CACNA1A: variants seen among roughly 807,000 people sequenced by gnomAD.
CACNA1A encodes voltage-dependent P/Q-type calcium channel subunit alpha-1A.
A neutral mutation model predicts 262.4 loss-of-function variants in CACNA1A; 57 were observed. That is an observed-to-expected ratio of 0.22 (90% CI 0.18 to 0.27). The LOEUF (loss-of-function observed/expected upper bound fraction) is 0.27, where lower values mean the gene tolerates loss of function less well. CACNA1A is among the 10% of genes least tolerant of loss of function. The pLI is 1.00. For synonymous variants in CACNA1A, 1,431 were observed against 1,419.3 expected, an observed-to-expected ratio of 1.01 and a Z score of -0.18; for missense variants, 2,526 against 3,562.8, an observed-to-expected ratio of 0.71 and a Z score of 7.41.
At chr19:13,433,831 C>T (rs1411152123) in intron 3 of CACNA1A, among the ~76,000 whole-genome samples, 1 of 152,176 alleles carries the variant, frequency 6.6e-6, no homozygotes, top group Non-Finnish European at 1.5e-5. Context: ...ATCCAGTGGC[C>T]ATCCCCTGGG....
intron 3 of CACNA1A, among the ~76,000 whole-genome samples, chr19:13,439,008 A>G (rs1215643472): frequency 6.6e-6 from 1 of 151,820 alleles, no homozygotes; most frequent in Non-Finnish European, 1.5e-5. Context: ...CAAAGTGCTG[A>G]GATTACAGGA....
intron 5 of CACNA1A, among the ~76,000 whole-genome samples, chr19:13,360,666 T>C (rs191642023): frequency 2.6e-5 from 4 of 152,046 alleles, no homozygotes; most frequent in East Asian, 1.9e-4. Flanking sequence ...TTAGTGGAGA[T>C]GGGGTTTCAC....
At chr19:13,365,055 C>T (rs867226408) in intron 5 of CACNA1A, 1 of 309,886 alleles carries the variant, frequency 3.2e-6, no homozygotes, top group South Asian at 8.8e-5. Context: ...TCTCTGCTCA[C>T]TTCCTCATTC....
In CACNA1A at chr19:13,259,834, C is replaced by A; in HGVS notation, c.4251-133G>T. 3 of 825,194 alleles carry A rather than the reference C, an allele frequency of 3.6e-6. No homozygotes were observed. The East Asian group carries it at 8.0e-5, about 22-fold the overall frequency. 51.1% of individuals were successfully genotyped at this position (825,194 alleles called of 1,614,324 possible). A position where few individuals can be genotyped will look rare whatever the true frequency, so the allele number is the denominator to read the frequency against. On this transcript the variant is annotated intron_variant, in intron 26 of 46. Transcript: ENST00000360228. ...CTAGACTGCTTGGGAAGCAGTGACT[C>A]CCCATCCTGCCACCATGTGTTCCTG...
At chr19:13,306,114 G>T (rs2057897916) in intron 15 of CACNA1A, among the ~76,000 whole-genome samples, 1 of 151,662 alleles carries the variant, frequency 6.6e-6, no homozygotes, top group African/African-American at 2.4e-5. Flanking sequence ...TTCATGGAAG[G>T]TTTCCTCTTC....
intron 22 of CACNA1A, among the ~76,000 whole-genome samples, chr19:13,278,348 A>G (rs1308275381): frequency 6.6e-6 from 1 of 152,086 alleles, no homozygotes; most frequent in African/African-American, 2.4e-5. Context: ...TTGTTCCCCA[A>G]GATGCTTCCA....
At chr19:13,413,318 G>A (rs796509116) in intron 3 of CACNA1A, among the ~76,000 whole-genome samples, 2 of 151,298 alleles carry the variant, frequency 1.3e-5, no homozygotes, top group East Asian at 4.0e-4. Context: ...GTGTTAGCCA[G>A]GATGGTCTCA....
Position 13,261,473 on chromosome 19 carries a change from G to T in CACNA1A, c.4227C>A (p.Ser1409=). Residue 1409 remains serine (S), a synonymous_variant, in exon 26 of 47, where the codon TCC becomes TCA. Coordinates refer to ENST00000360228, the MANE Select transcript of CACNA1A (RefSeq NM_001127222.2). ...ACCGACAATCTTTCTCAAACTCTTT[G>T]GACTCGTCAGTGCAGTGGAAGAATT... is the stretch of plus-strand genomic sequence containing the variant. ...KGKFFHCTDE[S]KEFEKDCRGK... is the part of the protein sequence containing the mutation. The T allele has an allele frequency of 6.3e-7, 1 of 1,579,940 alleles. No individual in the cohort carries two copies. The highest frequency in any genetic ancestry group is 2.3e-5 in the East Asian group (1 of 43,482).
chr19:13,216,044 A>T (rs539478420), intron 38 of CACNA1A, among the ~76,000 whole-genome samples: 1 of 152,064 alleles, frequency 6.6e-6, no homozygotes, highest in Non-Finnish European at 1.5e-5. Flanking sequence ...TCAGCCTCCC[A>T]AAGTGCTGGA....
rs74981061 is a variant in CACNA1A, at chr19:13,293,277, G to A, written c.3089+5267C>T. ...TCATGTCTGTAAATCCAGCACTTTG[G>A]GAGGCCAAAGTGGGAGAATTTCTTG... is the stretch of plus-strand genomic sequence containing the variant. On this transcript the variant is annotated intron_variant, in intron 19 of 46. Coordinates refer to ENST00000360228, the MANE Select transcript of CACNA1A (RefSeq NM_001127222.2). Among the ~76,000 whole-genome samples, 984 of 151,756 alleles carry A rather than the reference G, an allele frequency of 6.5e-3. 9 individuals are homozygous for A. The highest frequency in any genetic ancestry group is 9.1e-3 in the Non-Finnish European group (615 of 67,944).
chr19:13,285,021 G>T (rs764389597), intron 21 of CACNA1A, 47 bp downstream of exon 21: 1 of 1,607,128 alleles, frequency 6.2e-7, no homozygotes, highest in East Asian at 2.2e-5. Context: ...CCGCCACCCT[G>T]GTGGGAGCCC....
chr19:13,389,184 T>C (rs1258429852), intron 3 of CACNA1A, among the ~76,000 whole-genome samples: 1 of 152,198 alleles, frequency 6.6e-6, no homozygotes, highest in African/African-American at 2.4e-5. Flanking sequence ...ATGACACGCA[T>C]GAGCCACCGT....
At chr19:13,295,576 T>G (rs2057648755) in intron 19 of CACNA1A, among the ~76,000 whole-genome samples, 1 of 151,922 alleles carries the variant, frequency 6.6e-6, no homozygotes, top group Non-Finnish European at 1.5e-5. Context: ...ACTGTAATCT[T>G]GAACTCCTGG....
intron 1 of CACNA1A, among the ~76,000 whole-genome samples, chr19:13,499,852 G>A (rs973389779): frequency 3.9e-5 from 6 of 152,082 alleles, no homozygotes; most frequent in South Asian, 2.1e-4. Flanking sequence ...TCGGAAATGC[G>A]TTACTGCACG....
intron 37 of CACNA1A, 70 bp downstream of exon 37, chr19:13,227,359 TAA>T (rs527479319): frequency 3.0e-5 from 18 of 604,210 alleles, no homozygotes; most frequent in South Asian, 2.1e-4. Flanking sequence ...TGGTCAGCAC[TAA>T]AAAAAAAGAA....
intron 3 of CACNA1A, among the ~76,000 whole-genome samples, chr19:13,426,649 G>C (rs559766654): frequency 6.6e-6 from 1 of 152,206 alleles, no homozygotes; most frequent in Non-Finnish European, 1.5e-5. Flanking sequence ...CATAGTGGGC[G>C]TGGTTAATAG....
In CACNA1A at chr19:13,207,675, C is replaced by T. The variant is rs1379375107; in HGVS notation, c.7159G>A (p.Gly2387Arg). Residue 2387 changes from glycine to arginine, a missense_variant, in exon 47 of 47, where the codon GGG becomes AGG. Physicochemically the swap from Gly to Arg is moderately radical, Grantham distance 125. Transcript: ENST00000360228. This position sits in a 1 kb window ranked among gnomAD's most constrained non-coding sequence, Gnocchi z 5.7. Reference protein sequence around the residue: ...SESPRACRHGGARWPASGPHV... With the variant: ...SESPRACRHGRARWPASGPHV... ...GGGCCAGATGCCGGCCACCGGGCCCCGCCGTGTCGACAGGCCCTGGGGGAC... is the reference window on the plus strand; with the variant it reads ...GGGCCAGATGCCGGCCACCGGGCCCTGCCGTGTCGACAGGCCCTGGGGGAC... The T allele has an allele frequency of 1.4e-6, 2 of 1,430,042 alleles. No homozygotes were observed. The highest frequency in any genetic ancestry group is 2.7e-5 in the Admixed American group (1 of 37,572). 88.6% of individuals were successfully genotyped at this position (1,430,042 alleles called of 1,614,324 possible).
chr19:13,293,945 T>C (rs182143045), intron 19 of CACNA1A, among the ~76,000 whole-genome samples: 102 of 152,214 alleles, frequency 6.7e-4, no homozygotes, highest in African/African-American at 2.4e-3. Flanking sequence ...TCTTGTAGTT[T>C]CCAATGTTTA....
chr19:13,390,112 C>T (rs940038927), intron 3 of CACNA1A, among the ~76,000 whole-genome samples: 8 of 151,984 alleles, frequency 5.3e-5, no homozygotes, highest in Non-Finnish European at 1.2e-4. Context: ...TATGCCCCAC[C>T]TACATTTTTA....
Sources: allele counts gnomAD v4.1 joint callset (sites outside exome capture counted in the v4.1 genomes callset), GRCh38; gene constraint gnomAD v4.1.1; non-coding constraint Gnocchi (gnomAD v3.1); transcripts MANE v1.5; gene names NCBI Gene and HGNC (gene_info 2026-07-23, HGNC 2026-07-21).